The following JADE2 variants were observed in gnomAD, a reference collection of about 807,000 sequenced individuals.
JADE2 encodes jade family PHD finger 2, also known as E3 ubiquitin-protein ligase Jade-2.
Under a neutral mutation model 85.7 loss-of-function variants are expected in JADE2, and 13 were observed. The ratio of observed to expected loss-of-function variants is 0.15; its 90% CI spans 0.10 to 0.24. JADE2 has a LOEUF of 0.24. Ranked by LOEUF, JADE2 falls within the 10% of genes least tolerant of loss-of-function variation. The pLI is 1.00. For synonymous variants in JADE2, 440 were observed against 456.1 expected (o/e 0.96, Z 0.45); for missense variants, 846 against 1,115.9 (o/e 0.76, Z 3.45).
intron 1 of JADE2, among the ~76,000 whole-genome samples, chr5:134,527,837 G>C (rs1723899369): frequency 6.6e-6 from 1 of 152,210 alleles, no homozygotes; most frequent in South Asian, 2.1e-4. Context: ...GGAGGTGAAG[G>C]GTCACTGGGT....
At chr5:134,567,675 T>C (rs993941655) in intron 9 of JADE2, among the ~76,000 whole-genome samples, 15 of 152,146 alleles carry the variant, frequency 9.9e-5, no homozygotes, top group Non-Finnish European at 1.9e-4. Flanking sequence ...GTAAAATGGG[T>C]AGAACATCTC....
chr5:134,578,951 C>T lies in JADE2; in HGVS notation c.2139C>T (p.Thr713=), dbSNP rs1764554652. 1.9e-6 allele frequency: 3 copies of T among 1,613,170 alleles called. No individual in the cohort carries two copies. The highest frequency in any genetic ancestry group is 1.1e-5 in the South Asian group (1 of 91,044). The stretch of plus-strand genomic sequence containing the variant: ...CCGGGGACTGTCCCATCCTAGCCAC[C>T]CCTGAAAGCCCCCCGCCACTGGCCC... ...PAAGDCPILA[T]PESPPPLAPE... is the part of the protein sequence containing the mutation. Residue 713 remains threonine, a synonymous_variant, in exon 12 of 12, where the codon ACC becomes ACT. Coordinates refer to ENST00000681547, the MANE Select transcript of JADE2 (RefSeq NM_001388185.1). The surrounding 1 kb of genome is among the most constrained non-coding windows in gnomAD (Gnocchi z 4.4).
At chr5:134,549,713 C>G (rs189694870) in intron 3 of JADE2, among the ~76,000 whole-genome samples, 245 of 152,262 alleles carry the variant, frequency 1.6e-3, no homozygotes, top group African/African-American at 4.9e-3. Flanking sequence ...GGTTTCTAAC[C>G]CACCTATGCC....
intron 10 of JADE2, 193 bp downstream of exon 10, chr5:134,573,955 G>A (rs1330566072): frequency 2.3e-5 from 15 of 663,510 alleles, no homozygotes; most frequent in Middle Eastern, 2.6e-4. Context: ...TGAGTTGTGC[G>A]TCACTAGGCA....
In JADE2 at chr5:134,578,192, A is replaced by T. The variant is rs1318833751; in HGVS notation, c.1682-302A>T. 6.6e-6 allele frequency among the ~76,000 whole-genome samples: 1 copy of T among 152,184 alleles called. No individual in the cohort carries two copies. Among genetic ancestry groups the T allele is most frequent in the Non-Finnish European group, 1.5e-5 (1 of 68,020 alleles). ...CAAACTAAAAGAGCTATAACACTCCACCTTGAAATTCTTAATAATATTTGA... is the reference window on the plus strand; with the variant it reads ...CAAACTAAAAGAGCTATAACACTCCTCCTTGAAATTCTTAATAATATTTGA... On this transcript the variant is annotated intron_variant, in intron 11 of 11. Transcript: ENST00000681547. The surrounding 1 kb of genome is among the most constrained non-coding windows in gnomAD (Gnocchi z 4.4).
chr5:134,531,520 T>G (rs1233131410), intron 1 of JADE2, among the ~76,000 whole-genome samples: 1 of 152,136 alleles, frequency 6.6e-6, no homozygotes, highest in African/African-American at 2.4e-5. Flanking sequence ...CAAGTGATCC[T>G]CCTGCCTCTA....
At chr5:134,558,864 G>T (rs1763150469) in intron 4 of JADE2, among the ~76,000 whole-genome samples, 1 of 152,204 alleles carries the variant, frequency 6.6e-6, no homozygotes, top group Non-Finnish European at 1.5e-5. Flanking sequence ...AACCCATTTT[G>T]GGGGATGGGA....
At chr5:134,577,046 C>A in intron 11 of JADE2, 150 bp downstream of exon 11, 2 of 811,872 alleles carry the variant, frequency 2.5e-6, no homozygotes, top group Non-Finnish European at 3.8e-6. Flanking sequence ...CAGGTGCACA[C>A]ACCTTCCACC....
At chr5:134,571,701 GA>G (rs1331928386) in intron 9 of JADE2, among the ~76,000 whole-genome samples, 1 of 151,856 alleles carries the variant, frequency 6.6e-6, no homozygotes, top group Non-Finnish European at 1.5e-5. Context: ...CGTCTCGAAA[GA>G]AAAAAAAGAA....
chr5:134,549,872 C>A (rs548436291), intron 3 of JADE2, among the ~76,000 whole-genome samples: 1 of 152,106 alleles, frequency 6.6e-6, no homozygotes, highest in South Asian at 2.1e-4. Flanking sequence ...GTGGGGAGAA[C>A]GTTGAGGTAG....
At chr5:134,561,054 A>G (rs2589404) in intron 6 of JADE2, 97 bp downstream of exon 6, 963,933 of 980,292 alleles carry the variant, frequency 0.98, 474,131 homozygotes, top group Non-Finnish European at 0.99. Context: ...TGTGGACAGA[A>G]GCCCTTAAGA....
intron 9 of JADE2, among the ~76,000 whole-genome samples, chr5:134,567,100 A>C (rs778699151): frequency 8.5e-5 from 13 of 152,210 alleles, no homozygotes; most frequent in Non-Finnish European, 1.6e-4. Context: ...GTAGATGGGT[A>C]AACGCGGCTC....
chr5:134,567,888 CAG>C lies in JADE2; in HGVS notation c.1434+1311_1434+1312del, dbSNP rs539772504. On this transcript the variant is annotated intron_variant, in intron 9 of 11. Transcript: ENST00000681547. Reference sequence around the variant, plus strand: ...CAGATGTCCCTGGCTCCAGCCAGGACAGAGGGCAAGGCTACCTACATTGCAGC... The same window carrying C: ...CAGATGTCCCTGGCTCCAGCCAGGACAGGGCAAGGCTACCTACATTGCAGC... Among the ~76,000 whole-genome samples the C allele has an allele frequency of 8.8e-3, 1,339 of 152,310 alleles. 16 individuals are homozygous for C. The highest frequency in any genetic ancestry group is 0.01 in the Non-Finnish European group (703 of 68,022).
rs765324448 is a variant in JADE2 at position 134,562,389 on chromosome 5, G to A, written c.852+22G>A. 5 of 1,596,106 alleles carry A rather than the reference G, an allele frequency of 3.1e-6. No individual in the cohort carries two copies. The Admixed American group carries it at 8.5e-5, about 27-fold the overall frequency. Reference sequence around the variant, plus strand: ...TGAGGTGGGTGAGCGTGGAGGTGAGGCAGCCCAAGGAATAGCCCGTGGGGA... The same window carrying A: ...TGAGGTGGGTGAGCGTGGAGGTGAGACAGCCCAAGGAATAGCCCGTGGGGA... On this transcript the variant is annotated intron_variant, in intron 7 of 11. Coordinates refer to ENST00000681547, the MANE Select transcript of JADE2 (RefSeq NM_001388185.1). This position sits in a 1 kb window ranked among gnomAD's most constrained non-coding sequence, Gnocchi z 4.6.
intron 3 of JADE2, 51 bp downstream of exon 3, chr5:134,538,134 C>T (rs771630772): frequency 7.0e-7 from 1 of 1,428,536 alleles, no homozygotes; most frequent in Admixed American, 1.7e-5. Context: ...GAGTGAGCTG[C>T]CCTGCGGAGA....
intron 3 of JADE2, among the ~76,000 whole-genome samples, 199 bp downstream of exon 3, chr5:134,538,282 A>T (rs951294869): frequency 2.6e-5 from 4 of 152,218 alleles, no homozygotes; most frequent in African/African-American, 9.6e-5. Flanking sequence ...TGAACTGAGC[A>T]AGGGGAGAAG....
Position 134,573,603 on chromosome 5 carries a change from G to A in JADE2, c.1435-42G>A, listed in dbSNP as rs776048534. 26 of 1,455,052 alleles carry A rather than the reference G, an allele frequency of 1.8e-5. 1 individual carries two copies. Among genetic ancestry groups the A allele is most frequent in the Middle Eastern group, 1.7e-4 (1 of 5,754 alleles). The allele number at this position is 1,455,052 out of a possible 1,614,324, so 90.1% of individuals were successfully genotyped here. ...CCCCAGAGCTGGGAGGTCTGGGGTG[G>A]TTGCCTGTGAGTAAGGTGGAAAATC... On this transcript the variant is annotated intron_variant, in intron 9 of 11. Transcript: ENST00000681547.
At chr5:134,539,764 A>G (rs1761857917) in intron 3 of JADE2, among the ~76,000 whole-genome samples, 1 of 152,198 alleles carries the variant, frequency 6.6e-6, no homozygotes, top group Non-Finnish European at 1.5e-5. Flanking sequence ...CCCCTCCTCT[A>G]TGCTACCTCA....
chr5:134,561,142 A>G (rs961140659), intron 6 of JADE2, among the ~76,000 whole-genome samples, 185 bp downstream of exon 6: 3 of 152,244 alleles, frequency 2.0e-5, no homozygotes, highest in Admixed American at 1.3e-4. Flanking sequence ...CTTGCTGGCC[A>G]GACTCAAGCC....
Sources: allele counts gnomAD v4.1 joint callset (sites outside exome capture counted in the v4.1 genomes callset), GRCh38; gene constraint gnomAD v4.1.1; non-coding constraint Gnocchi (gnomAD v3.1); transcripts MANE v1.5; gene names NCBI Gene and HGNC (gene_info 2026-07-23, HGNC 2026-07-21).